LRPPRC: variants seen among roughly 807,000 people sequenced by gnomAD.
LRPPRC encodes leucine-rich PPR motif-containing protein, mitochondrial.
In LRPPRC, 120 loss-of-function variants were observed where a neutral mutation model predicts 180.3. The observed-to-expected ratio is 0.67, with a 90% confidence interval of 0.57 to 0.77. The LOEUF (loss-of-function observed/expected upper bound fraction) is 0.77. Among genes scored for constraint, LRPPRC ranks in the 30% least tolerant of loss-of-function variants. The pLI is 0.00. For missense variants in LRPPRC, 2,012 were observed against 1,657.2 expected, an observed-to-expected ratio of 1.21 and a Z score of -3.72; for synonymous variants, 723 against 600.0, an observed-to-expected ratio of 1.21 and a Z score of -3.00.
At chr2:43,926,585 T>A (rs1296194771) in intron 25 of LRPPRC, among the ~76,000 whole-genome samples, 1 of 152,150 alleles carries the variant, frequency 6.6e-6, no homozygotes, top group Non-Finnish European at 1.5e-5. Context: ...CAGGCTGGTC[T>A]CGAACTCCTA....
chr2:43,901,545 A>T lies in LRPPRC; in HGVS notation c.3365-21T>A, dbSNP rs367872750. The T allele has an allele frequency of 9.7e-6, 15 of 1,539,192 alleles. No individual in the cohort carries two copies. The African/African-American group carries it at 2.0e-4, about 21-fold the overall frequency. ...AGCCTCTAAAATACAAGAGCAGGAG[A>T]TGGCTTTTCTTATATGACCTGTGCT... On this transcript the variant is annotated intron_variant, in intron 31 of 37. Coordinates refer to ENST00000260665, the MANE Select transcript of LRPPRC (RefSeq NM_133259.4).
intron 1 of LRPPRC, among the ~76,000 whole-genome samples, chr2:43,991,308 G>A (rs1674768782): frequency 6.6e-6 from 1 of 151,932 alleles, no homozygotes; most frequent in African/African-American, 2.4e-5. Flanking sequence ...CTGGGATTAT[G>A]GGTGTGAACA....
At chr2:43,912,117 T>C (rs1008419586) in intron 30 of LRPPRC, among the ~76,000 whole-genome samples, 4 of 152,178 alleles carry the variant, frequency 2.6e-5, no homozygotes, top group African/African-American at 9.7e-5. Context: ...CCACAAAAGG[T>C]ACATGGATTT....
chr2:43,972,971 G>A (rs1673884286), intron 11 of LRPPRC, among the ~76,000 whole-genome samples: 1 of 152,168 alleles, frequency 6.6e-6, no homozygotes, highest in South Asian at 2.1e-4. Context: ...CGAAGAATTA[G>A]ATACTGTACT....
intron 1 of LRPPRC, among the ~76,000 whole-genome samples, chr2:43,995,285 G>A (rs1383228654): frequency 6.6e-6 from 1 of 152,194 alleles, no homozygotes; most frequent in South Asian, 2.1e-4. Context: ...AAAGCCCAAA[G>A]TGATCATAAT....
chr2:43,914,616 T>G (rs1222024527), intron 29 of LRPPRC, among the ~76,000 whole-genome samples: 1 of 151,856 alleles, frequency 6.6e-6, no homozygotes, highest in Non-Finnish European at 1.5e-5. Flanking sequence ...TAATCCCAGC[T>G]ACTTGGGAGG....
intron 35 of LRPPRC, among the ~76,000 whole-genome samples, chr2:43,894,965 C>CT (rs969034763): frequency 2.0e-5 from 3 of 152,190 alleles, no homozygotes; most frequent in African/African-American, 7.2e-5. Flanking sequence ...ACAACCCTAT[C>CT]TTTAGGTGCC....
At position 43,946,040 on chromosome 2, in the gene LRPPRC, C is replaced by T; in HGVS notation, c.2210+73G>A. 4.9e-6 allele frequency: 7 copies of T among 1,433,724 alleles called. No individual in the cohort carries two copies. In the East Asian group the frequency reaches 1.4e-4, roughly 28 times the overall value. 88.8% of individuals were successfully genotyped at this position (1,433,724 alleles called of 1,614,324 possible). A position where few individuals can be genotyped will look rare whatever the true frequency, so the allele number is the denominator to read the frequency against. ...GACATTATATAAGAGAGTAATATTC[C>T]ATCTAGATAATCTATCAAGGTCTGT... On this transcript the variant is annotated intron_variant, in intron 21 of 37. Transcript: ENST00000260665.
chr2:43,966,273 T>C (rs571542313), intron 11 of LRPPRC, among the ~76,000 whole-genome samples: 1 of 152,086 alleles, frequency 6.6e-6, no homozygotes, highest in Non-Finnish European at 1.5e-5. Context: ...TGAACTCTGT[T>C]ATGGGACTGG....
intron 36 of LRPPRC, chr2:43,890,272 G>A (rs1670439857): frequency 1.3e-5 from 6 of 444,914 alleles, no homozygotes; most frequent in Non-Finnish European, 2.3e-5. Context: ...GATAATCCAG[G>A]AACTGTTGTG....
chr2:43,947,119 C>A, intron 20 of LRPPRC, 138 bp downstream of exon 20: 1 of 566,470 alleles, frequency 1.8e-6, no homozygotes, highest in Non-Finnish European at 3.1e-6. Context: ...ATTAGTTAAC[C>A]TTTCATTTAA....
At chr2:43,975,303 A>G in intron 6 of LRPPRC, 86 bp from the exon 7 acceptor site, 1 of 1,109,826 alleles carries the variant, frequency 9.0e-7, no homozygotes, top group Non-Finnish European at 1.3e-6. Context: ...TTATTAAAAT[A>G]AAAAATGCTA....
chr2:43,988,954 T>C (rs961139119), intron 1 of LRPPRC, among the ~76,000 whole-genome samples: 10 of 152,102 alleles, frequency 6.6e-5, no homozygotes, highest in Non-Finnish European at 2.9e-5. Flanking sequence ...ACTGCAGCTT[T>C]GAACTCCTGG....
chr2:43,923,636 A>G (rs1671774987), intron 27 of LRPPRC, among the ~76,000 whole-genome samples: 1 of 151,740 alleles, frequency 6.6e-6, no homozygotes, highest in Non-Finnish European at 1.5e-5. Context: ...TGACCCTTTC[A>G]GCAGAGCACT....
intron 3 of LRPPRC, among the ~76,000 whole-genome samples, chr2:43,978,082 C>T (rs778497754): frequency 5.9e-5 from 9 of 152,072 alleles, no homozygotes; most frequent in Non-Finnish European, 1.2e-4. Context: ...ATGTTTCAGG[C>T]ACTATGCTAA....
At chr2:43,963,316 T>C (rs898635570) in intron 12 of LRPPRC, among the ~76,000 whole-genome samples, 1 of 152,150 alleles carries the variant, frequency 6.6e-6, no homozygotes, top group African/African-American at 2.4e-5. Flanking sequence ...TGGTGGCGCA[T>C]GCCTGTAATC....
In LRPPRC at chr2:43,961,723, A is replaced by C. The variant is rs189391994; in HGVS notation, c.1489-1089T>G. Among the ~76,000 whole-genome samples, 13 of 152,294 alleles carry C rather than the reference A, an allele frequency of 8.5e-5. No individual in the cohort carries two copies. In the East Asian group the frequency reaches 2.1e-3, roughly 25 times the overall value. On this transcript the variant is annotated intron_variant, in intron 12 of 37. Transcript: ENST00000260665. ...CACCTGCAATGCCAGCATTTTGCGA[A>C]GCCTAGGCAGGCTGATCACCTAAGA...
chr2:43,976,521 T>C (rs1674063145), intron 5 of LRPPRC, among the ~76,000 whole-genome samples: 1 of 152,140 alleles, frequency 6.6e-6, no homozygotes, highest in African/African-American at 2.4e-5. Flanking sequence ...CATAGTTTCA[T>C]AAGATTCTTT....
At chr2:43,991,335 C>A (rs894781868) in intron 1 of LRPPRC, among the ~76,000 whole-genome samples, 1 of 152,010 alleles carries the variant, frequency 6.6e-6, no homozygotes, top group African/African-American at 2.4e-5. Flanking sequence ...CCCAGCCGGA[C>A]CCATCAGATT....
Sources: gnomAD v4.1 joint callset for allele counts (sites outside exome capture counted in the v4.1 genomes callset) on GRCh38, gnomAD v4.1.1 for gene constraint, MANE v1.5 for transcripts, NCBI Gene and HGNC (gene_info 2026-07-23, HGNC 2026-07-21) for gene names.